DPP10: variants seen among roughly 807,000 people sequenced by gnomAD.
The protein encoded by DPP10 is inactive dipeptidyl peptidase 10.
In DPP10, 33 loss-of-function variants were observed where a neutral mutation model predicts 120.9. That is an observed-to-expected ratio of 0.27 (90% CI 0.21 to 0.37). The LOEUF is 0.37. Ranked by LOEUF, DPP10 falls within the 10% of genes least tolerant of loss-of-function variation. The pLI is 1.00. For synonymous variants in DPP10, 337 were observed against 326.1 expected (o/e 1.03, Z -0.36); for missense variants, 816 against 942.8 (o/e 0.87, Z 1.76).
rs115767334 is a variant in DPP10 at position 115,187,068 on chromosome 2, C to T, written c.61-122171C>T. Among the ~76,000 whole-genome samples, 482 of 109,750 alleles carry T rather than the reference C, an allele frequency of 4.4e-3. 1 individual carries two copies. Among genetic ancestry groups the T allele is most frequent in the African/African-American group, 0.016 (457 of 28,574 alleles). The allele number at this position is 109,750 out of a possible 152,430, so 72.0% of individuals were successfully genotyped here. A position where few individuals can be genotyped will look rare whatever the true frequency, so the allele number is the denominator to read the frequency against. ...TTTTTTTTTTTTTGAGACGGAGTTT[C>T]GCTCTGTCGGGCCTGCGGACTGCAA... On this transcript the variant is annotated intron_variant, in intron 1 of 25. Coordinates refer to ENST00000410059, the MANE Select transcript of DPP10 (RefSeq NM_020868.6).
intron 1 of DPP10, among the ~76,000 whole-genome samples, chr2:114,543,390 G>T (rs1162406810): frequency 6.6e-6 from 1 of 152,126 alleles, no homozygotes; most frequent in Non-Finnish European, 1.5e-5. Context: ...CAAAGCTAAA[G>T]AAAAAGTAGG....
chr2:114,963,855 C>T (rs904833477), intron 1 of DPP10, among the ~76,000 whole-genome samples: 7 of 152,252 alleles, frequency 4.6e-5, no homozygotes, highest in Admixed American at 4.6e-4. Context: ...TGAAGCACAC[C>T]TAGCAGAACA....
intron 1 of DPP10, among the ~76,000 whole-genome samples, chr2:115,118,750 TGTGTG>T (rs2049664041): frequency 1.4e-4 from 2 of 13,808 alleles, no homozygotes; most frequent in South Asian, 3.0e-3. Flanking sequence ...CAGCTAATTG[TGTGTG>T]TGTGTGTGTG....
intron 5 of DPP10, among the ~76,000 whole-genome samples, chr2:115,611,674 G>T (rs1300746338): frequency 1.3e-5 from 2 of 152,174 alleles, no homozygotes; most frequent in African/African-American, 4.8e-5. Flanking sequence ...GAACTTTGAA[G>T]CATGTTACTG....
chr2:114,810,328 C>T (rs751532517), intron 1 of DPP10, among the ~76,000 whole-genome samples: 6 of 152,280 alleles, frequency 3.9e-5, no homozygotes, highest in African/African-American at 7.2e-5. Context: ...CAGATCAAAG[C>T]TTGGTAAGTC....
rs1234266624 is a variant in DPP10, at chr2:115,382,748, C to T, written c.271+38836C>T. On this transcript the variant is annotated intron_variant, in intron 3 of 25. Coordinates refer to ENST00000410059, the MANE Select transcript of DPP10 (RefSeq NM_020868.6). ...GCTGGAATAGTTTTTCCCTTATTGC[C>T]ACTTTCCATTTACATTTGTTCCCAC... 2.0e-5 allele frequency among the ~76,000 whole-genome samples: 3 copies of T among 152,318 alleles called. No homozygotes were observed. In the East Asian group the frequency reaches 5.8e-4, roughly 29 times the overall value.
intron 1 of DPP10, among the ~76,000 whole-genome samples, chr2:115,223,300 A>C (rs184121335): frequency 6.6e-6 from 1 of 152,254 alleles, no homozygotes; most frequent in Non-Finnish European, 1.5e-5. Context: ...GTTATTTATT[A>C]AAACAATTAA....
intron 1 of DPP10, among the ~76,000 whole-genome samples, chr2:114,663,413 C>A (rs1055178478): frequency 6.7e-5 from 10 of 150,300 alleles, no homozygotes; most frequent in Non-Finnish European, 1.5e-4. Flanking sequence ...TACTTGCTTT[C>A]TCATATTTTA....
chr2:114,825,761 G>T (rs1308842040), intron 1 of DPP10, among the ~76,000 whole-genome samples: 2 of 152,180 alleles, frequency 1.3e-5, no homozygotes, highest in Non-Finnish European at 2.9e-5. Flanking sequence ...ATTCAACTCA[G>T]TGACCTTGAA....
chr2:115,297,137 G>A (rs944904820), intron 1 of DPP10, among the ~76,000 whole-genome samples: 2 of 151,998 alleles, frequency 1.3e-5, no homozygotes, highest in Admixed American at 1.3e-4. Context: ...CATTTTCTAT[G>A]TGAGCAGCAT....
chr2:115,791,374 T>G lies in DPP10; in HGVS notation c.1700+18T>G. 6.4e-7 allele frequency: 1 copy of G among 1,566,778 alleles called. No individual in the cohort carries two copies. The highest frequency in any genetic ancestry group is 1.4e-5 in the African/African-American group (1 of 72,606). ...TTAATAATGTAAGTATTTTATTTGT[T>G]TTTAAAATAAAGGAATCTAAAGATT... On this transcript the variant is annotated intron_variant, in intron 19 of 25. Coordinates refer to ENST00000410059, the MANE Select transcript of DPP10 (RefSeq NM_020868.6).
At chr2:114,873,693 TAAC>T (rs1690897577) in intron 1 of DPP10, among the ~76,000 whole-genome samples, 1 of 103,846 alleles carries the variant, frequency 9.6e-6, no homozygotes. Context: ...CAGCAGAACT[TAAC>T]AACATTTTGC....
intron 1 of DPP10, among the ~76,000 whole-genome samples, chr2:115,098,180 C>T (rs12994151): frequency 0.25 from 37,515 of 152,008 alleles, 5,379 homozygotes; most frequent in Non-Finnish European, 0.31. Context: ...TGGCTGAGGA[C>T]AATTCCCAGA....
intron 3 of DPP10, chr2:115,468,066 C>T (rs554300421): frequency 4.8e-6 from 2 of 412,996 alleles, no homozygotes. Flanking sequence ...ATGTCTGGAA[C>T]CTGCGATGTC....
intron 21 of DPP10, among the ~76,000 whole-genome samples, chr2:115,828,412 T>A (rs1470310414): frequency 6.6e-6 from 1 of 152,130 alleles, no homozygotes; most frequent in Non-Finnish European, 1.5e-5. Context: ...AGGTTAAGTG[T>A]TTTTAACAAA....
At chr2:115,793,777 CATT>C (rs1209568205) in intron 19 of DPP10, among the ~76,000 whole-genome samples, 1 of 151,964 alleles carries the variant, frequency 6.6e-6, no homozygotes, top group African/African-American at 2.4e-5. Flanking sequence ...TATTAATTGA[CATT>C]ATCCACACTT....
Position 115,631,037 on chromosome 2 carries a change from C to CTT in DPP10, c.442-58627_442-58626dup, listed in dbSNP as rs58468918. Among the ~76,000 whole-genome samples, 247 of 111,236 alleles carry CTT rather than the reference C, an allele frequency of 2.2e-3. 1 individual carries two copies. Among genetic ancestry groups the CTT allele is most frequent in the African/African-American group, 5.8e-3 (127 of 21,730 alleles). 73.0% of individuals were successfully genotyped at this position (111,236 alleles called of 152,430 possible). ...AGCTGTAAATACATCTGATCCTGGG[C>CTT]TTTTTTTTTTTTTTTTTTTTTTTTG... is the stretch of plus-strand genomic sequence containing the variant. On this transcript the variant is annotated intron_variant, in intron 5 of 25. Coordinates refer to ENST00000410059, the MANE Select transcript of DPP10 (RefSeq NM_020868.6).
chr2:115,736,686 T>C (rs1285384003), intron 8 of DPP10, among the ~76,000 whole-genome samples: 1 of 152,140 alleles, frequency 6.6e-6, no homozygotes, highest in African/African-American at 2.4e-5. Context: ...AGGAAATATT[T>C]TGTGGCAAAA....
At chr2:115,475,315 C>G (rs1450646820) in intron 3 of DPP10, among the ~76,000 whole-genome samples, 1 of 152,178 alleles carries the variant, frequency 6.6e-6, no homozygotes, top group Non-Finnish European at 1.5e-5. Flanking sequence ...ACTCAGGCCA[C>G]CACTTCAGAG....
Sources: gnomAD v4.1 joint callset for allele counts (sites outside exome capture counted in the v4.1 genomes callset) on GRCh38, gnomAD v4.1.1 for gene constraint, MANE v1.5 for transcripts, NCBI Gene and HGNC (gene_info 2026-07-23, HGNC 2026-07-21) for gene names.